Variants in FAM184B observed in about 807,000 individuals in gnomAD.
FAM184B encodes protein FAM184B.
FAM184B carries 111 observed loss-of-function variants against 135.9 expected under a neutral mutation model. That is an observed-to-expected ratio of 0.82 (90% CI 0.70 to 0.96). FAM184B has a LOEUF of 0.96. Among genes scored for constraint, FAM184B ranks in the 40% least tolerant of loss-of-function variants. The probability of loss-of-function intolerance (pLI) is 0.00; values close to 1 mark genes in which losing one functional copy is unlikely to be tolerated. For synonymous variants in FAM184B, 552 were observed against 524.8 expected, an observed-to-expected ratio of 1.05 and a Z score of -0.71; for missense variants, 1,375 against 1,323.9, an observed-to-expected ratio of 1.04 and a Z score of -0.60.
At chr4:17,687,372 A>G (rs887181196) in intron 7 of FAM184B, among the ~76,000 whole-genome samples, 3 of 152,158 alleles carry the variant, frequency 2.0e-5, no homozygotes, top group Non-Finnish European at 4.4e-5. Context: ...ACAGGAATTA[A>G]GAGGGTTATT....
At chr4:17,726,390 G>A (rs1717639254) in intron 1 of FAM184B, among the ~76,000 whole-genome samples, 1 of 151,932 alleles carries the variant, frequency 6.6e-6, no homozygotes, top group Non-Finnish European at 1.5e-5. Context: ...GTTTTTATTG[G>A]GACAGAGTTT....
intron 10 of FAM184B, among the ~76,000 whole-genome samples, chr4:17,654,902 A>G (rs1715746619): frequency 6.6e-6 from 1 of 152,068 alleles, no homozygotes; most frequent in Non-Finnish European, 1.5e-5. Context: ...GCCCAGCTGG[A>G]GTGCAGCGGC....
intron 11 of FAM184B, among the ~76,000 whole-genome samples, chr4:17,651,105 T>C (rs1347440647): frequency 1.3e-5 from 2 of 152,234 alleles, no homozygotes; most frequent in South Asian, 2.1e-4. Context: ...ACATGATCTT[T>C]AGTGCTCAGC....
At chr4:17,669,357 A>G (rs964582111) in intron 7 of FAM184B, among the ~76,000 whole-genome samples, 7 of 152,144 alleles carry the variant, frequency 4.6e-5, no homozygotes, top group African/African-American at 1.7e-4. Context: ...TTTGTGAGTT[A>G]CCTGCCATAA....
rs1386365606 is a variant in FAM184B, at chr4:17,663,615, A to AACACACACACCAC, written c.1694+946_1694+947insGTGGTGTGTGTGT. 2.8e-4 allele frequency among the ~76,000 whole-genome samples: 42 copies of AACACACACACCAC among 150,546 alleles called. No individual in the cohort carries two copies. In the East Asian group the frequency reaches 8.2e-3, roughly 29 times the overall value. On this transcript the variant is annotated intron_variant, in intron 8 of 17. Transcript: ENST00000265018. The stretch of plus-strand genomic sequence containing the variant: ...AAATCAGGAACACAATCCCATTCAC[A>AACACACACACCAC]ACACACACACACACACACACACACA...
intron 14 of FAM184B, among the ~76,000 whole-genome samples, chr4:17,636,887 C>G (rs1715157692): frequency 6.6e-6 from 1 of 152,160 alleles, no homozygotes; most frequent in South Asian, 2.1e-4. Flanking sequence ...CACATAGATG[C>G]TGCACTCAGC....
chr4:17,698,090 A>T (rs1271543726), intron 5 of FAM184B, among the ~76,000 whole-genome samples: 1 of 151,736 alleles, frequency 6.6e-6, no homozygotes, highest in African/African-American at 2.4e-5. Flanking sequence ...AAAAAAAAAC[A>T]AACAAAAAAA....
intron 1 of FAM184B, among the ~76,000 whole-genome samples, chr4:17,736,400 T>C (rs1196565706): frequency 1.3e-5 from 2 of 152,214 alleles, no homozygotes; most frequent in Non-Finnish European, 2.9e-5. Flanking sequence ...AAAAATGAAT[T>C]TGAATTATGT....
At chr4:17,642,995 CTG>C (rs1715367351) in intron 12 of FAM184B, among the ~76,000 whole-genome samples, 1 of 152,268 alleles carries the variant, frequency 6.6e-6, no homozygotes, top group African/African-American at 2.4e-5. Flanking sequence ...CGGGGAGAAT[CTG>C]TGGCCCAGGC....
intron 15 of FAM184B, among the ~76,000 whole-genome samples, chr4:17,636,103 A>G (rs985848477): frequency 1.3e-5 from 2 of 152,090 alleles, no homozygotes; most frequent in South Asian, 4.2e-4. Context: ...CTTTAATAAT[A>G]GAAAAGAAAG....
intron 1 of FAM184B, among the ~76,000 whole-genome samples, chr4:17,767,218 C>T (rs13137449): frequency 0.21 from 31,478 of 152,098 alleles, 3,941 homozygotes; most frequent in South Asian, 0.29. Flanking sequence ...CAGAGGGAGC[C>T]GGCTCCAGCC....
chr4:17,751,540 T>C (rs1293192325), intron 1 of FAM184B, among the ~76,000 whole-genome samples: 1 of 152,012 alleles, frequency 6.6e-6, no homozygotes, highest in Non-Finnish European at 1.5e-5. Flanking sequence ...AGGTAACACA[T>C]TTCCAAACTT....
chr4:17,716,151 C>T (rs1717397590), intron 1 of FAM184B, among the ~76,000 whole-genome samples: 1 of 152,118 alleles, frequency 6.6e-6, no homozygotes, highest in Non-Finnish European at 1.5e-5. Flanking sequence ...TGCAAGCATC[C>T]AGTGTGTCTT....
intron 1 of FAM184B, among the ~76,000 whole-genome samples, chr4:17,716,021 C>T (rs768997318): frequency 1.3e-5 from 2 of 152,106 alleles, no homozygotes; most frequent in Non-Finnish European, 2.9e-5. Flanking sequence ...CAATGCCTGG[C>T]CTTAAAAAAC....
intron 5 of FAM184B, among the ~76,000 whole-genome samples, chr4:17,701,302 C>T (rs1380820978): frequency 1.3e-5 from 2 of 152,206 alleles, no homozygotes; most frequent in African/African-American, 4.8e-5. Context: ...TTCTTTTATA[C>T]ACATAGACTG....
rs1007164754 is a variant in FAM184B at position 17,688,507 on chromosome 4, G to A, written c.1513C>T (p.Gln505Ter). 6 of 1,550,042 alleles carry A rather than the reference G, an allele frequency of 3.9e-6. No individual in the cohort carries two copies. The highest frequency in any genetic ancestry group is 5.2e-6 in the Non-Finnish European group (6 of 1,146,658). The change falls in exon 7 of 18, where the codon CAA (glutamine) becomes TAA (stop). Residue 505 changes from glutamine to a stop codon, truncating the protein, a stop_gained. Transcript: ENST00000265018. LOFTEE classifies it high-confidence loss of function. ...LEVLRLEEFI[Q>*]QNKTRPTGAE... ...CCTGTGGGGCGTGTCTTATTTTGTT[G>A]GATAAATTCTTCCAGCCTTAAAACC...
chr4:17,633,981 T>C, intron 16 of FAM184B, 93 bp from the exon 17 acceptor site: 2 of 1,040,166 alleles, frequency 1.9e-6, no homozygotes, highest in Non-Finnish European at 1.3e-6. Context: ...CCAATCAAAA[T>C]TGTATCGGAG....
Position 17,639,049 on chromosome 4 carries a change from G to A in FAM184B, c.2666+201C>T, listed in dbSNP as rs369768453. ...GGGTTTCGCCATGTTGGCCAGGCTG[G>A]TCTCCATCTCCTGAGCTCAAGTGAT... On this transcript the variant is annotated intron_variant, in intron 14 of 17. Coordinates refer to ENST00000265018, the MANE Select transcript of FAM184B (RefSeq NM_015688.2). 1.7e-3 allele frequency among the ~76,000 whole-genome samples: 260 copies of A among 152,192 alleles called. 1 individual carries two copies. The highest frequency in any genetic ancestry group is 5.9e-3 in the African/African-American group (247 of 41,534).
chr4:17,634,094 T>A, intron 16 of FAM184B: 1 of 402,022 alleles, frequency 2.5e-6, no homozygotes, highest in Non-Finnish European at 4.3e-6. Context: ...GTTCACAACC[T>A]CTTAACCAAA....
Sources: gnomAD v4.1 joint callset for allele counts (sites outside exome capture counted in the v4.1 genomes callset) on GRCh38, gnomAD v4.1.1 for gene constraint, MANE v1.5 for transcripts, NCBI Gene and HGNC (gene_info 2026-07-23, HGNC 2026-07-21) for gene names.